Variants in CNTN5 observed in about 807,000 individuals in gnomAD.
The protein encoded by CNTN5 is contactin 5.
CNTN5 carries 77 observed loss-of-function variants against 129.1 expected under a neutral mutation model. The ratio of observed to expected loss-of-function variants is 0.60; its 90% CI spans 0.50 to 0.72. The LOEUF is 0.72. CNTN5 is among the 30% of genes least tolerant of loss of function. CNTN5 has a pLI of 0.00. For synonymous variants in CNTN5, 509 were observed against 465.6 expected (o/e 1.09, Z -1.20); for missense variants, 1,478 against 1,328.8 (o/e 1.11, Z -1.75).
At chr11:100,035,815 G>A (rs1341110678) in intron 9 of CNTN5, among the ~76,000 whole-genome samples, 1 of 151,018 alleles carries the variant, frequency 6.6e-6, no homozygotes, top group Non-Finnish European at 1.5e-5. Flanking sequence ...TTTTGATGGG[G>A]TTGTTTTTTT....
chr11:100,192,330 T>C (rs1948517742), intron 14 of CNTN5, among the ~76,000 whole-genome samples: 1 of 152,048 alleles, frequency 6.6e-6, no homozygotes, highest in South Asian at 2.1e-4. Context: ...TACAGTGTAC[T>C]GCTTTTATCT....
chr11:100,042,681 C>T (rs1304489066), intron 9 of CNTN5, among the ~76,000 whole-genome samples: 1 of 152,210 alleles, frequency 6.6e-6, no homozygotes, highest in Non-Finnish European at 1.5e-5. Flanking sequence ...CCAACACTTT[C>T]CATACTTTCA....
intron 15 of CNTN5, among the ~76,000 whole-genome samples, chr11:100,199,883 AAAACAGC>A (rs1948735096): frequency 6.6e-6 from 1 of 152,008 alleles, no homozygotes; most frequent in African/African-American, 2.4e-5. Context: ...GAATGTCCAT[AAAACAGC>A]CATTCAGCTA....
intron 8 of CNTN5, among the ~76,000 whole-genome samples, chr11:99,998,144 G>A (rs1015320810): frequency 6.6e-6 from 1 of 151,742 alleles, no homozygotes; most frequent in African/African-American, 2.4e-5. Context: ...AGTGTTGGAA[G>A]TTCTGGGCAG....
chr11:99,205,800 TA>T, intron 1 of CNTN5, among the ~76,000 whole-genome samples: 1 of 151,950 alleles, frequency 6.6e-6, no homozygotes, highest in South Asian at 2.1e-4. Context: ...ATACAGTTTT[TA>T]TTTCTCAATT....
intron 1 of CNTN5, among the ~76,000 whole-genome samples, chr11:99,077,650 A>G (rs903413180): frequency 6.6e-6 from 1 of 152,156 alleles, no homozygotes; most frequent in Admixed American, 6.6e-5. Flanking sequence ...TTGAATTGTA[A>G]TCCCCACAAT....
At chr11:99,929,991 C>G (rs571301607) in intron 7 of CNTN5, among the ~76,000 whole-genome samples, 2 of 152,290 alleles carry the variant, frequency 1.3e-5, no homozygotes, top group African/African-American at 4.8e-5. Context: ...CTCGCCTGAT[C>G]CTTAGCTCAG....
At chr11:99,827,207 CCT>C (rs1299975617) in intron 4 of CNTN5, among the ~76,000 whole-genome samples, 2 of 152,138 alleles carry the variant, frequency 1.3e-5, no homozygotes, top group East Asian at 3.8e-4. Flanking sequence ...CTAACGTCAG[CCT>C]CTCTGGTAGC....
chr11:99,793,209 G>A (rs1035476624), intron 3 of CNTN5, among the ~76,000 whole-genome samples: 2 of 151,898 alleles, frequency 1.3e-5, no homozygotes, highest in African/African-American at 4.8e-5. Flanking sequence ...ACAGGCACCT[G>A]CCACCACGCC....
At chr11:100,213,545 G>A (rs1431576586) in intron 15 of CNTN5, among the ~76,000 whole-genome samples, 2 of 152,128 alleles carry the variant, frequency 1.3e-5, no homozygotes, top group Non-Finnish European at 2.9e-5. Flanking sequence ...GCTAAGACTT[G>A]TTATTTAAAA....
At chr11:99,797,736 T>C (rs1945991007) in intron 3 of CNTN5, among the ~76,000 whole-genome samples, 1 of 152,180 alleles carries the variant, frequency 6.6e-6, no homozygotes, top group Non-Finnish European at 1.5e-5. Flanking sequence ...GGTTGTTTAC[T>C]CTGCTGGTTT....
chr11:99,824,056 A>G (rs920763570), intron 4 of CNTN5, among the ~76,000 whole-genome samples: 1 of 151,922 alleles, frequency 6.6e-6, no homozygotes, highest in Non-Finnish European at 1.5e-5. Context: ...CAGTTTCTTT[A>G]TTCATTCCCT....
At chr11:100,107,727 T>A (rs1945496811) in intron 13 of CNTN5, among the ~76,000 whole-genome samples, 2 of 152,060 alleles carry the variant, frequency 1.3e-5, no homozygotes, top group African/African-American at 4.8e-5. Context: ...TAAATTGTTA[T>A]GAAAAATTTA....
At chr11:99,992,586 C>G (rs747112543) in intron 8 of CNTN5, among the ~76,000 whole-genome samples, 1 of 152,284 alleles carries the variant, frequency 6.6e-6, no homozygotes, top group African/African-American at 2.4e-5. Flanking sequence ...GCCCTACCTT[C>G]AAAAAATATT....
At chr11:100,310,515 G>A (rs556472580) in intron 21 of CNTN5, among the ~76,000 whole-genome samples, 1 of 151,876 alleles carries the variant, frequency 6.6e-6, no homozygotes, top group Non-Finnish European at 1.5e-5. Context: ...ACCAGACAAT[G>A]AGCTAAATGC....
intron 3 of CNTN5, among the ~76,000 whole-genome samples, chr11:99,792,579 GTCTGTC>G: frequency 2.0e-5 from 3 of 149,828 alleles, no homozygotes; most frequent in Admixed American, 6.7e-5. Flanking sequence ...GTGTGTGTCT[GTCTGTC>G]TGTCTGTCTG....
chr11:99,788,424 A>G (rs1945615554), intron 3 of CNTN5, among the ~76,000 whole-genome samples: 1 of 151,920 alleles, frequency 6.6e-6, no homozygotes, highest in South Asian at 2.1e-4. Flanking sequence ...CGGTATATAA[A>G]TTTTTGTATA....
At chr11:99,643,515 G>T (rs1447915032) in intron 3 of CNTN5, among the ~76,000 whole-genome samples, 1 of 151,976 alleles carries the variant, frequency 6.6e-6, no homozygotes, top group African/African-American at 2.4e-5. Flanking sequence ...TTATCTCATA[G>T]GTTTGTTGAG....
chr11:99,290,271 T>C (rs1267681826), intron 1 of CNTN5, among the ~76,000 whole-genome samples: 1 of 151,860 alleles, frequency 6.6e-6, no homozygotes, highest in Non-Finnish European at 1.5e-5. Context: ...AGACATTTTG[T>C]AAATAGCAGA....
Sources: allele counts gnomAD v4.1 joint callset (sites outside exome capture counted in the v4.1 genomes callset), GRCh38; gene constraint gnomAD v4.1.1; transcripts MANE v1.5; gene names NCBI Gene and HGNC (gene_info 2026-07-23, HGNC 2026-07-21).